CXADR: variants seen among roughly 807,000 people sequenced by gnomAD.
CXADR encodes coxsackievirus and adenovirus receptor.
Under a neutral mutation model 40.3 loss-of-function variants are expected in CXADR, and 20 were observed. The observed-to-expected ratio is 0.50, with a 90% CI of 0.35 to 0.72. The LOEUF (loss-of-function observed/expected upper bound fraction) is 0.72, where lower values mean the gene tolerates loss of function less well. Among genes scored for constraint, CXADR ranks in the 30% least tolerant of loss-of-function variants. The pLI, the probability that CXADR is intolerant of heterozygous loss-of-function variation, is 0.01. For synonymous variants in CXADR, 150 were observed against 161.3 expected, an observed-to-expected ratio of 0.93 and a Z score of 0.53; for missense variants, 332 against 449.1, an observed-to-expected ratio of 0.74 and a Z score of 2.36.
chr21:17,598,850 A>G, the CXADR span: 2 of 1,587,880 alleles, frequency 1.3e-6, no homozygotes, highest in South Asian at 1.1e-5. Flanking sequence ...AAAACTTACA[A>G]ATCTTGAAGT....
exon 8 of CXADR, chr21:17,593,294 G>A (rs2061459368): frequency 2.8e-6 from 3 of 1,063,038 alleles, no homozygotes. Context: ...AAGGCACAGA[G>A]ATTAGAGCAG....
At chr21:17,559,260 G>C (rs2061075399) in intron 4 of CXADR, 129 bp downstream of exon 4, 3 of 934,660 alleles carry the variant, frequency 3.2e-6, no homozygotes, top group South Asian at 1.7e-5. Flanking sequence ...GCTCACTGAA[G>C]CTTCAACCTC....
In CXADR at chr21:17,563,940, C is replaced by CAAAAAAAAAAAAAA. The variant is rs35020228; in HGVS notation, c.834-1480_834-1467dup. ...TGGGCAACAGAGCAAGACTCTGTCT[C>CAAAAAAAAAAAAAA]AAAAAAAAAAAAAAAAAAAAAGGTA... is the stretch of plus-strand genomic sequence containing the variant. On this transcript the variant is annotated intron_variant, in intron 6 of 6. Transcript: ENST00000284878. Among the ~76,000 whole-genome samples the CAAAAAAAAAAAAAA allele has an allele frequency of 7.0e-4, 26 of 37,200 alleles. 3 individuals are homozygous for CAAAAAAAAAAAAAA. Among genetic ancestry groups the CAAAAAAAAAAAAAA allele is most frequent in the East Asian group, 4.6e-3 (5 of 1,084 alleles). The allele number at this position is 37,200 out of a possible 152,430, so 24.4% of individuals were successfully genotyped here.
At chr21:17,570,950 A>C (rs1290366121), downstream of CXADR, among the ~76,000 whole-genome samples, 1 of 152,154 alleles carries the variant, frequency 6.6e-6, no homozygotes, top group Non-Finnish European at 1.5e-5. Flanking sequence ...TGTCCTGTGC[A>C]TTGCGAAATG....
chr21:17,551,038 A>G (rs2060960372), intron 2 of CXADR, among the ~76,000 whole-genome samples: 2 of 152,194 alleles, frequency 1.3e-5, no homozygotes, highest in Admixed American at 1.3e-4. Context: ...AGGGGGCAGT[A>G]GGTACTTGAT....
chr21:17,611,626 C>T, the CXADR span: 1 of 152,262 alleles, frequency 6.6e-6, no homozygotes, highest in Non-Finnish European at 1.5e-5. Context: ...AGACCTCAGG[C>T]GTCTTGAGTA....
intron 7 of CXADR, among the ~76,000 whole-genome samples, chr21:17,591,363 G>A (rs1443846719): frequency 6.6e-6 from 1 of 151,964 alleles, no homozygotes; most frequent in Non-Finnish European, 1.5e-5. Flanking sequence ...TCTGTAAAAT[G>A]GACAGAATGG....
intron 6 of CXADR, among the ~76,000 whole-genome samples, 192 bp downstream of exon 6, chr21:17,561,668 G>GCCCCGCT (rs1027880100): frequency 3.3e-5 from 5 of 152,094 alleles, no homozygotes; most frequent in Admixed American, 3.3e-4. Flanking sequence ...CATTCGTTGT[G>GCCCCGCT]CCCCGCTCCC....
chr21:17,606,834 CAT>C, the CXADR span, among the ~76,000 whole-genome samples: 1 of 152,136 alleles, frequency 6.6e-6, no homozygotes, highest in South Asian at 2.1e-4. Context: ...CATCCATATT[CAT>C]ACATGTTCGT....
chr21:17,523,289 T>A (rs1053833943), intron 1 of CXADR, among the ~76,000 whole-genome samples: 4 of 152,118 alleles, frequency 2.6e-5, no homozygotes, highest in African/African-American at 4.8e-5. Context: ...ATTGCATAAA[T>A]GGGGAAAGTT....
Position 17,565,643 on chromosome 21 carries a change from C to T in CXADR, c.1049C>T (p.Ala350Val), listed in dbSNP as rs1279957370. The stretch of plus-strand genomic sequence containing the variant: ...GCCCCTAATCTAAGTCGAATGGGTG[C>T]GATTCCTGTGATGATTCCAGCACAG... ...VAAPNLSRMGAIPVMIPAQSK... is the reference protein window; with the variant it reads ...VAAPNLSRMGVIPVMIPAQSK... Residue 350 changes from alanine (A) to valine (V), a missense_variant, in exon 7 of 7, where the codon GCG (alanine) becomes GTG (valine). By Grantham distance (64) the Ala-to-Val change is moderately conservative. Around this residue, in one of 3 missense-constraint regions of CXADR, gnomAD observed 150 missense variants for 194.2 expected, o/e 0.77. Coordinates refer to ENST00000284878, the MANE Select transcript of CXADR (RefSeq NM_001338.5). 5.9e-5 allele frequency: 95 copies of T among 1,611,866 alleles called. No homozygotes were observed. Among genetic ancestry groups the T allele is most frequent in the Non-Finnish European group, 7.2e-5 (85 of 1,179,846 alleles).
rs575186437 is a variant in CXADR, at chr21:17,588,352, C to T, written c.1018-4800C>T. On this transcript the variant is annotated intron_variant, in intron 7 of 7. Coordinates refer to the CXADR transcript ENST00000400169. The stretch of plus-strand genomic sequence containing the variant: ...TATGGCCATTTTCACGATATTGATT[C>T]TTCCTACCCATGAGCATGGAATGTT... Among the ~76,000 whole-genome samples the T allele has an allele frequency of 1.2e-4, 18 of 152,308 alleles. No homozygotes were observed. The East Asian group carries it at 3.5e-3, about 29-fold the overall frequency.
chr21:17,626,468 AT>A, the CXADR span, among the ~76,000 whole-genome samples: 1,380 of 149,956 alleles, frequency 9.2e-3, 19 homozygotes, highest in African/African-American at 0.023. Flanking sequence ...GGGAATCAAC[AT>A]TTTTTTTTTC....
the CXADR span, among the ~76,000 whole-genome samples, chr21:17,630,506 A>G: frequency 6.6e-6 from 1 of 152,214 alleles, no homozygotes; most frequent in Non-Finnish European, 1.5e-5. Context: ...ATTATGGAAT[A>G]GCCAGCAATA....
At chr21:17,615,200 G>A in the CXADR span, among the ~76,000 whole-genome samples, 1 of 152,108 alleles carries the variant, frequency 6.6e-6, no homozygotes, top group Non-Finnish European at 1.5e-5. Context: ...CTTGCCAAGT[G>A]AGGATATAGG....
At chr21:17,561,606 C>A in intron 6 of CXADR, 130 bp downstream of exon 6, 1 of 715,672 alleles carries the variant, frequency 1.4e-6, no homozygotes. Context: ...GCCGCCTTCT[C>A]AATACATTTG....
intron 1 of CXADR, among the ~76,000 whole-genome samples, chr21:17,537,776 C>G (rs1339296090): frequency 6.6e-6 from 1 of 151,772 alleles, no homozygotes; most frequent in Non-Finnish European, 1.5e-5. Context: ...AAAAAAAAAC[C>G]AGTGATGATC....
intron 1 of CXADR, among the ~76,000 whole-genome samples, chr21:17,524,618 G>T (rs2060575544): frequency 6.7e-6 from 1 of 148,852 alleles, no homozygotes; most frequent in Non-Finnish European, 1.5e-5. Flanking sequence ...TTAGAGGCTG[G>T]GAGTGGTGGT....
At chr21:17,513,512 C>T (rs1555858661) in intron 1 of CXADR, among the ~76,000 whole-genome samples, 2 of 152,370 alleles carry the variant, frequency 1.3e-5, no homozygotes, top group East Asian at 1.9e-4. Flanking sequence ...TTTCTTTGCT[C>T]TCGCCGTCTC....
Sources: allele counts gnomAD v4.1 joint callset (sites outside exome capture counted in the v4.1 genomes callset), GRCh38; gene constraint gnomAD v4.1.1; regional missense constraint gnomAD v4.1.1; transcripts MANE v1.5; gene names NCBI Gene and HGNC (gene_info 2026-07-23, HGNC 2026-07-21).